SNX5: variants seen among roughly 807,000 people sequenced by gnomAD.
SNX5 encodes the protein sorting nexin 5.
Under a neutral mutation model 53.9 loss-of-function variants are expected in SNX5, and 31 were observed. The observed-to-expected ratio is 0.58, with a 90% CI of 0.43 to 0.78. The LOEUF (loss-of-function observed/expected upper bound fraction) is 0.78. Ranked by LOEUF, SNX5 falls within the 30% of genes least tolerant of loss-of-function variation. The pLI, the probability that SNX5 is intolerant of heterozygous loss-of-function variation, is 0.00. For missense variants in SNX5, 471 were observed against 478.8 expected, an observed-to-expected ratio of 0.98 and a Z score of 0.15; for synonymous variants, 168 against 171.1, an observed-to-expected ratio of 0.98 and a Z score of 0.14.
At chr20:17,964,564 A>G (rs1448011378) in intron 1 of SNX5, among the ~76,000 whole-genome samples, 3 of 152,200 alleles carry the variant, frequency 2.0e-5, no homozygotes, top group African/African-American at 7.2e-5. Context: ...AACAGGTATT[A>G]AGGGTGAAGA....
chr20:17,947,213 A>C (rs1334509536), intron 11 of SNX5: 2 of 367,690 alleles, frequency 5.4e-6, no homozygotes, highest in African/African-American at 4.2e-5. Context: ...GAATGTCTTC[A>C]GTCTTAGGAA....
intron 6 of SNX5, 152 bp from the exon 7 acceptor site, chr20:17,950,548 C>T (rs907059097): frequency 2.3e-5 from 13 of 572,440 alleles, no homozygotes; most frequent in African/African-American, 9.4e-5. Flanking sequence ...TACAAATTTA[C>T]GATACTATTT....
Position 17,956,673 on chromosome 20 carries a change from C to CAAAAAAA in SNX5, c.156+253_156+259dup, listed in dbSNP as rs59252584. ...CTGGGCAACACAATGAGACTGTCTC[C>CAAAAAAA]AAAAAAAAAAAAAAAAAAAAAAAAA... On this transcript the variant is annotated intron_variant, in intron 2 of 12. Coordinates refer to ENST00000377759, the MANE Select transcript of SNX5 (RefSeq NM_014426.4). 1.7e-3 allele frequency among the ~76,000 whole-genome samples: 141 copies of CAAAAAAA among 84,864 alleles called. 4 individuals are homozygous for CAAAAAAA. Among genetic ancestry groups the CAAAAAAA allele is most frequent in the East Asian group, 2.9e-3 (9 of 3,150 alleles). 55.7% of individuals were successfully genotyped at this position (84,864 alleles called of 152,430 possible).
intron 1 of SNX5, chr20:17,961,616 A>G (rs1456148298): frequency 1.0e-6 from 1 of 983,936 alleles, no homozygotes; most frequent in Admixed American, 6.1e-5. Flanking sequence ...CAGATAGGAT[A>G]AAAAAGACAC....
chr20:17,957,722 T>C (rs1422150938), intron 1 of SNX5, among the ~76,000 whole-genome samples: 1 of 151,968 alleles, frequency 6.6e-6, no homozygotes, highest in Non-Finnish European at 1.5e-5. Context: ...CACACAAATA[T>C]CTGAAAGGAA....
At chr20:17,951,239 T>C in intron 6 of SNX5, 2 of 409,046 alleles carry the variant, frequency 4.9e-6, no homozygotes, top group Admixed American at 7.5e-5. Context: ...AGAAATTAAC[T>C]GAGTAATCTC....
intron 10 of SNX5, among the ~76,000 whole-genome samples, chr20:17,948,457 G>A (rs1285780910): frequency 2.0e-5 from 3 of 152,198 alleles, no homozygotes; most frequent in Non-Finnish European, 4.4e-5. Context: ...TATTTTGCCT[G>A]ATTTAATACA....
At chr20:17,959,114 G>A (rs929180246) in intron 1 of SNX5, among the ~76,000 whole-genome samples, 41 of 151,982 alleles carry the variant, frequency 2.7e-4, no homozygotes, top group African/African-American at 9.9e-4. Flanking sequence ...TTCCATTTTC[G>A]CTCACAAGCC....
At chr20:17,963,053 A>G (rs1270065453) in intron 1 of SNX5, 3 of 361,256 alleles carry the variant, frequency 8.3e-6, no homozygotes, top group Middle Eastern at 9.7e-4. Flanking sequence ...CTAAGTACCG[A>G]AATTATAATA....
At chr20:17,954,326 T>C (rs1489082755) in intron 3 of SNX5, 2 of 591,272 alleles carry the variant, frequency 3.4e-6, no homozygotes, top group Non-Finnish European at 5.5e-6. Flanking sequence ...ATATTCACTT[T>C]GATGGCAATC....
intron 1 of SNX5, chr20:17,961,329 G>A (rs1426976202): frequency 2.0e-6 from 2 of 985,386 alleles, no homozygotes; most frequent in Non-Finnish European, 2.4e-6. Context: ...CTGGATGACT[G>A]AACAACACAA....
intron 1 of SNX5, chr20:17,962,658 T>C (rs1600354280): frequency 4.3e-6 from 2 of 464,938 alleles, no homozygotes; most frequent in East Asian, 1.2e-4. Context: ...AGCTAATAGC[T>C]ATTAAAGCTA....
chr20:17,944,995 A>G (rs983480422), intron 11 of SNX5: 5 of 152,202 alleles, frequency 3.3e-5, no homozygotes, highest in African/African-American at 1.2e-4. Context: ...CTTGACTAAA[A>G]CTTTGACCAT....
At position 17,947,482 on chromosome 20, in the gene SNX5, C is replaced by A; in HGVS notation, c.1078+4G>T. ...AGTACAGAAAGAAGAATGTCCTGCT[C>A]AACCTTCTTTTGCAGATTCGGAAAG... On this transcript the variant is annotated splice_donor_region_variant and intron_variant, in intron 11 of 12. Transcript: ENST00000377759. 6.2e-7 allele frequency: 1 copy of A among 1,611,660 alleles called. No individual in the cohort carries two copies. Among genetic ancestry groups the A allele is most frequent in the Non-Finnish European group, 8.5e-7 (1 of 1,179,002 alleles).
At chr20:17,957,711 C>A (rs2035385179) in intron 1 of SNX5, among the ~76,000 whole-genome samples, 1 of 152,098 alleles carries the variant, frequency 6.6e-6, no homozygotes, top group Non-Finnish European at 1.5e-5. Context: ...ATTAACCAGG[C>A]CACACAAATA....
intron 8 of SNX5, 96 bp downstream of exon 8, chr20:17,950,036 G>T: frequency 9.8e-7 from 1 of 1,016,278 alleles, no homozygotes; most frequent in Non-Finnish European, 1.5e-6. Flanking sequence ...TAACTCCAGA[G>T]CAGGACCATG....
chr20:17,942,990 C>G (rs1469249423), intron 12 of SNX5, 120 bp downstream of exon 12: 1 of 688,050 alleles, frequency 1.5e-6, no homozygotes, highest in Non-Finnish European at 2.6e-6. Context: ...CAACTAAGTA[C>G]TACAGACGAT....
In SNX5 at chr20:17,954,074, T is replaced by C. The variant is rs775180856; in HGVS notation, c.311A>G (p.Glu104Gly). ...ACCTTCTCCCAGTTTCTGCATCTTC[T>C]CTCGAGGACCATCAAAGTCGGGCTT... ...PTKPDFDGPREKMQKLGEGEG... is the reference protein window; with the variant it reads ...PTKPDFDGPRGKMQKLGEGEG... The change falls in exon 4 of 13, where the codon GAG becomes GGG. Residue 104 changes from glutamate (E) to glycine (G), a missense_variant. By Grantham distance (98) the Glu-to-Gly change is moderately conservative. Coordinates refer to ENST00000377759, the MANE Select transcript of SNX5 (RefSeq NM_014426.4). 3.7e-6 allele frequency: 6 copies of C among 1,613,914 alleles called. No homozygotes were observed. The highest frequency in any genetic ancestry group is 1.7e-5 in the Admixed American group (1 of 60,012).
At chr20:17,943,065 A>T (rs1568586358) in intron 12 of SNX5, 45 bp downstream of exon 12, 3 of 1,367,506 alleles carry the variant, frequency 2.2e-6, no homozygotes, top group Non-Finnish European at 3.1e-6. Flanking sequence ...AATAACTTGG[A>T]AAAAACCATA....
Sources: gnomAD v4.1 joint callset for allele counts (sites outside exome capture counted in the v4.1 genomes callset) on GRCh38, gnomAD v4.1.1 for gene constraint, MANE v1.5 for transcripts, NCBI Gene and HGNC (gene_info 2026-07-23, HGNC 2026-07-21) for gene names.